The following PRKAG2 variants were observed in gnomAD, a reference collection of about 807,000 sequenced individuals.
PRKAG2 encodes 5'-AMP-activated protein kinase subunit gamma-2.
In PRKAG2, 26 loss-of-function variants were observed where a neutral mutation model predicts 69.6. The observed-to-expected ratio is 0.37, with a 90% confidence interval of 0.27 to 0.52. The LOEUF (loss-of-function observed/expected upper bound fraction) is 0.52. PRKAG2 is among the 20% of genes least tolerant of loss of function. The pLI is 0.90. For synonymous variants in PRKAG2, 293 were observed against 285.0 expected, an observed-to-expected ratio of 1.03 and a Z score of -0.28; for missense variants, 557 against 740.0, an observed-to-expected ratio of 0.75 and a Z score of 2.87.
At chr7:151,827,774 A>AAAAAAAAAAAC (rs1563733994) in intron 1 of PRKAG2, among the ~76,000 whole-genome samples, 2 of 147,518 alleles carry the variant, frequency 1.4e-5, no homozygotes, top group South Asian at 4.4e-4. Flanking sequence ...AAAAAAAAAA[A>AAAAAAAAAAAC]CTGCCTTGCT....
chr7:151,565,635 C>T (rs1048766362), intron 12 of PRKAG2, 85 bp downstream of exon 12: 34 of 1,528,262 alleles, frequency 2.2e-5, no homozygotes, highest in Middle Eastern at 3.8e-4. Context: ...ATTTTCCCCA[C>T]GTATCTCCTG....
intron 3 of PRKAG2, among the ~76,000 whole-genome samples, chr7:151,733,345 C>T (rs922412076): frequency 6.6e-6 from 1 of 152,232 alleles, no homozygotes; most frequent in Admixed American, 6.5e-5. Context: ...TTTCTTGACC[C>T]TGTGGTCAGA....
At chr7:151,703,041 G>A (rs1837987530) in intron 3 of PRKAG2, among the ~76,000 whole-genome samples, 1 of 152,156 alleles carries the variant, frequency 6.6e-6, no homozygotes, top group African/African-American at 2.4e-5. Flanking sequence ...TCTATGCTGG[G>A]CTCCCTAACC....
chr7:151,832,114 G>C (rs776056084), intron 1 of PRKAG2, among the ~76,000 whole-genome samples: 1 of 152,122 alleles, frequency 6.6e-6, no homozygotes, highest in Non-Finnish European at 1.5e-5. Context: ...CTCTTCTGAG[G>C]CCTGGGGGAA....
At chr7:151,778,315 C>T (rs753896583) in intron 3 of PRKAG2, among the ~76,000 whole-genome samples, 6 of 152,192 alleles carry the variant, frequency 3.9e-5, no homozygotes, top group South Asian at 2.1e-4. Flanking sequence ...ACCAAGATCT[C>T]GGTGAATTGG....
intron 3 of PRKAG2, among the ~76,000 whole-genome samples, chr7:151,686,246 G>T (rs1317922908): frequency 6.6e-6 from 1 of 152,200 alleles, no homozygotes; most frequent in Non-Finnish European, 1.5e-5. Flanking sequence ...CGTTCCCCAG[G>T]TGACGCGGGT....
rs1256074736 is a variant in PRKAG2 at position 151,756,348 on chromosome 7, A to G, written c.466+24804T>C. 2.0e-5 allele frequency among the ~76,000 whole-genome samples: 3 copies of G among 152,230 alleles called. No homozygotes were observed. In the South Asian group the frequency reaches 6.2e-4, roughly 31 times the overall value. The stretch of plus-strand genomic sequence containing the variant: ...GGAACCTCTCTGCCTCTGAGGCACC[A>G]AAGGTTTCCTGTCCTTGCAATGCTG... On this transcript the variant is annotated intron_variant, in intron 3 of 15. Coordinates refer to ENST00000287878, the MANE Select transcript of PRKAG2 (RefSeq NM_016203.4). The surrounding 1 kb of genome is among the most constrained non-coding windows in gnomAD (Gnocchi z 4.9).
At chr7:151,721,368 C>T (rs1797065976) in intron 3 of PRKAG2, among the ~76,000 whole-genome samples, 1 of 152,188 alleles carries the variant, frequency 6.6e-6, no homozygotes, top group Non-Finnish European at 1.5e-5. Flanking sequence ...CAGGAAAGGG[C>T]TGAAGACAGG....
chr7:151,808,706 A>T (rs890976726), intron 1 of PRKAG2, among the ~76,000 whole-genome samples: 1 of 151,966 alleles, frequency 6.6e-6, no homozygotes, highest in Non-Finnish European at 1.5e-5. Context: ...CAGGAGAAAA[A>T]AAAAAATAGA....
intron 3 of PRKAG2, among the ~76,000 whole-genome samples, chr7:151,760,024 G>A (rs1308322092): frequency 6.6e-6 from 1 of 152,218 alleles, no homozygotes; most frequent in East Asian, 1.9e-4. Context: ...CATTCCTACA[G>A]AGTTTCTCTG....
chr7:151,793,782 C>T (rs550096469), intron 1 of PRKAG2, among the ~76,000 whole-genome samples: 40 of 152,300 alleles, frequency 2.6e-4, no homozygotes, highest in African/African-American at 9.1e-4. Context: ...TACTGATGGG[C>T]GGCAGGAGGT....
intron 4 of PRKAG2, among the ~76,000 whole-genome samples, chr7:151,649,254 T>C (rs181897566): frequency 6.6e-6 from 1 of 152,172 alleles, no homozygotes; most frequent in Admixed American, 6.5e-5. Context: ...GCCTCCTGAG[T>C]AGCTGGGATT....
At chr7:151,598,977 G>A (rs772161878) in intron 5 of PRKAG2, among the ~76,000 whole-genome samples, 3 of 151,710 alleles carry the variant, frequency 2.0e-5, no homozygotes, top group African/African-American at 7.3e-5. Context: ...TCAGCCTCCC[G>A]AGTAGCTGGG....
At chr7:151,570,051 T>G in intron 10 of PRKAG2, 120 bp downstream of exon 10, 1 of 1,191,278 alleles carries the variant, frequency 8.4e-7, no homozygotes, top group Non-Finnish European at 1.2e-6. Context: ...GTAGCTGGAA[T>G]TAAGGAGGCA....
rs369544435 is a variant in PRKAG2 at position 151,624,370 on chromosome 7, C to T, written c.754+7699G>A. Among the ~76,000 whole-genome samples, 32 of 152,010 alleles carry T rather than the reference C, an allele frequency of 2.1e-4. No individual in the cohort carries two copies. The East Asian group carries it at 3.3e-3, about 16-fold the overall frequency. On this transcript the variant is annotated intron_variant, in intron 5 of 15. Coordinates refer to ENST00000287878, the MANE Select transcript of PRKAG2 (RefSeq NM_016203.4). ...TTCGCCATGTTGCCCAGGCCGATCTCGAACTCCTGGACTCAAATGATCCAT... is the reference window on the plus strand; with the variant it reads ...TTCGCCATGTTGCCCAGGCCGATCTTGAACTCCTGGACTCAAATGATCCAT...
At chr7:151,838,706 C>CAAAAA (rs57382424) in intron 1 of PRKAG2, among the ~76,000 whole-genome samples, 3 of 92,206 alleles carry the variant, frequency 3.3e-5, no homozygotes, top group Non-Finnish European at 6.9e-5. Flanking sequence ...GACCCTGTTT[C>CAAAAA]AAAAAAAAAA....
chr7:151,823,567 G>A (rs1203865888), intron 1 of PRKAG2, among the ~76,000 whole-genome samples: 1 of 151,800 alleles, frequency 6.6e-6, no homozygotes, highest in African/African-American at 2.4e-5. Flanking sequence ...CTCACCCTCT[G>A]CCTAACCAGT....
intron 1 of PRKAG2, among the ~76,000 whole-genome samples, chr7:151,802,302 G>A (rs1475076879): frequency 1.3e-5 from 2 of 152,122 alleles, no homozygotes; most frequent in African/African-American, 4.8e-5. Context: ...TTGCACTCAT[G>A]AGGCCCAGGG....
At chr7:151,581,189 C>G (rs547294373) in intron 6 of PRKAG2, among the ~76,000 whole-genome samples, 17 of 152,120 alleles carry the variant, frequency 1.1e-4, no homozygotes, top group African/African-American at 3.9e-4. Context: ...AAGAACAAAT[C>G]AATAGAAAAA....
Sources: allele counts gnomAD v4.1 joint callset (sites outside exome capture counted in the v4.1 genomes callset), GRCh38; gene constraint gnomAD v4.1.1; non-coding constraint Gnocchi (gnomAD v3.1); transcripts MANE v1.5; gene names NCBI Gene and HGNC (gene_info 2026-07-23, HGNC 2026-07-21).